LTBP1: variants seen among roughly 807,000 people sequenced by gnomAD.
LTBP1 encodes latent-transforming growth factor beta-binding protein 1.
A neutral mutation model predicts 207.6 loss-of-function variants in LTBP1; 129 were observed. The observed-to-expected ratio is 0.62, with a 90% confidence interval of 0.54 to 0.72. The LOEUF is 0.72. LTBP1 is among the 30% of genes least tolerant of loss of function. The pLI is 0.00. For missense variants in LTBP1, 2,281 were observed against 2,217.2 expected (o/e 1.03, Z -0.58); for synonymous variants, 963 against 833.7 (o/e 1.16, Z -2.67).
intron 3 of LTBP1, among the ~76,000 whole-genome samples, chr2:33,080,057 C>T (rs187345469): frequency 6.6e-6 from 1 of 152,200 alleles, no homozygotes; most frequent in African/African-American, 2.4e-5. Context: ...GACAGAGTCC[C>T]CCTCTGTCAC....
chr2:33,352,220 C>T (rs755637972), intron 26 of LTBP1, among the ~76,000 whole-genome samples: 2 of 152,162 alleles, frequency 1.3e-5, no homozygotes, highest in Non-Finnish European at 2.9e-5. Flanking sequence ...CAACCTCTAC[C>T]TCCCGAGTTC....
intron 2 of LTBP1, among the ~76,000 whole-genome samples, chr2:32,958,989 C>T (rs909570437): frequency 6.6e-6 from 1 of 152,206 alleles, no homozygotes; most frequent in Non-Finnish European, 1.5e-5. Context: ...GTATGATTTT[C>T]CCTGTAATTT....
intron 2 of LTBP1, among the ~76,000 whole-genome samples, chr2:32,967,449 A>G (rs1457972779): frequency 6.6e-6 from 1 of 152,124 alleles, no homozygotes; most frequent in East Asian, 1.9e-4. Flanking sequence ...AAATATATGC[A>G]TTCATTGTTA....
chr2:33,364,997 C>A (rs2094968101), intron 30 of LTBP1, among the ~76,000 whole-genome samples: 1 of 152,078 alleles, frequency 6.6e-6, no homozygotes, highest in Non-Finnish European at 1.5e-5. Flanking sequence ...TAGGGTTTGA[C>A]AGGAGTAAAT....
intron 9 of LTBP1, among the ~76,000 whole-genome samples, chr2:33,231,694 G>A (rs989058144): frequency 6.6e-6 from 1 of 152,114 alleles, no homozygotes; most frequent in Non-Finnish European, 1.5e-5. Context: ...TGCCTGGCTG[G>A]AGAAAAGAAT....
intron 7 of LTBP1, among the ~76,000 whole-genome samples, chr2:33,204,699 C>T (rs2089693686): frequency 6.6e-6 from 1 of 152,178 alleles, no homozygotes; most frequent in African/African-American, 2.4e-5. Context: ...CCTGCCTCAG[C>T]CTCCCAAGTA....
At chr2:33,089,743 C>T (rs77301263) in intron 3 of LTBP1, among the ~76,000 whole-genome samples, 17 of 152,154 alleles carry the variant, frequency 1.1e-4, no homozygotes, top group Non-Finnish European at 2.4e-4. Context: ...TGGTTCCTGA[C>T]GTAAATTACT....
Position 33,020,954 on chromosome 2 carries a change from C to T in LTBP1, c.611C>T (p.Pro204Leu). The change falls in exon 3 of 34, where the codon CCA (proline) becomes CTA (leucine). Residue 204 changes from proline to leucine, a missense_variant. Transcript: ENST00000404816. ...CAGAATGGAGGGATGTGTCTCCGGC[C>T]ACAACTCTGTGTGTGTAAACCAGGG... The part of the protein sequence containing the change: ...PCQNGGMCLR[P>L]QLCVCKPGTK... The T allele has an allele frequency of 2.5e-6, 4 of 1,605,570 alleles. No individual in the cohort carries two copies. Among genetic ancestry groups the T allele is most frequent in the Non-Finnish European group, 3.4e-6 (4 of 1,173,610 alleles).
At chr2:32,977,337 C>T (rs867591574) in intron 2 of LTBP1, among the ~76,000 whole-genome samples, 5 of 152,288 alleles carry the variant, frequency 3.3e-5, no homozygotes, top group African/African-American at 4.8e-5. Flanking sequence ...CCTTCCCTGC[C>T]GTCTGGGTGT....
In LTBP1 at chr2:32,952,234, A is replaced by G. The variant is rs370768591; in HGVS notation, c.565+3289A>G. Reference sequence around the variant, plus strand: ...AAATGCTTCTGAAGACTAAAGATTTAGTGAACCTTAAATTGCAAATCAGAG... The same window carrying G: ...AAATGCTTCTGAAGACTAAAGATTTGGTGAACCTTAAATTGCAAATCAGAG... On this transcript the variant is annotated intron_variant, in intron 2 of 33. Transcript: ENST00000404816. Among the ~76,000 whole-genome samples, 15 of 152,360 alleles carry G rather than the reference A, an allele frequency of 9.8e-5. No homozygotes were observed. In the East Asian group the frequency reaches 2.1e-3, roughly 22 times the overall value.
intron 2 of LTBP1, among the ~76,000 whole-genome samples, chr2:33,005,922 G>C: frequency 6.6e-6 from 1 of 151,904 alleles, no homozygotes. Flanking sequence ...AGCATAAAGT[G>C]GTAGGGAGGG....
rs888403533 is a variant in LTBP1 at position 32,947,228 on chromosome 2, C to T, written c.-97C>T. 4.1e-6 allele frequency: 4 copies of T among 970,316 alleles called. No individual in the cohort carries two copies. In the African/African-American group the frequency reaches 5.1e-5, roughly 12 times the overall value. The allele number at this position is 970,316 out of a possible 1,614,324, so 60.1% of individuals were successfully genotyped here. A position where few individuals can be genotyped will look rare whatever the true frequency, so the allele number is the denominator to read the frequency against. ...CCCGCCTTTCCCGGGCTCTCGGCAGCTCTCGGGGGAGCCCGAACGCGCGGG... is the reference window on the plus strand; with the variant it reads ...CCCGCCTTTCCCGGGCTCTCGGCAGTTCTCGGGGGAGCCCGAACGCGCGGG... On this transcript the variant is annotated 5_prime_UTR_variant, in exon 1 of 34. Transcript: ENST00000404816.
At chr2:33,140,543 A>C (rs2082559553) in intron 5 of LTBP1, among the ~76,000 whole-genome samples, 1 of 152,254 alleles carries the variant, frequency 6.6e-6, no homozygotes, top group Non-Finnish European at 1.5e-5. Context: ...AGAATGCCTA[A>C]GAACTTATCA....
At chr2:33,260,116 T>C (rs1326786063) in intron 13 of LTBP1, among the ~76,000 whole-genome samples, 1 of 152,214 alleles carries the variant, frequency 6.6e-6, no homozygotes, top group Non-Finnish European at 1.5e-5. Flanking sequence ...TGTTGCTTTT[T>C]GAAAAGTCAG....
intron 24 of LTBP1, among the ~76,000 whole-genome samples, chr2:33,321,006 T>C (rs2149335345): frequency 6.6e-6 from 1 of 152,334 alleles, no homozygotes; most frequent in African/African-American, 2.4e-5. Context: ...ATTTTATTAA[T>C]AATTCTATAT....
intron 3 of LTBP1, among the ~76,000 whole-genome samples, chr2:33,098,626 G>C (rs1396431277): frequency 1.3e-5 from 2 of 151,688 alleles, no homozygotes; most frequent in East Asian, 1.9e-4. Flanking sequence ...TTTAAGTAGA[G>C]ACGGTGTTTC....
At chr2:33,196,786 G>A (rs2088619730) in intron 7 of LTBP1, among the ~76,000 whole-genome samples, 1 of 152,204 alleles carries the variant, frequency 6.6e-6, no homozygotes. Context: ...TTAATATTAG[G>A]AAGGGTGTAC....
chr2:33,072,674 A>G (rs1036146678), intron 3 of LTBP1, among the ~76,000 whole-genome samples: 10 of 152,206 alleles, frequency 6.6e-5, no homozygotes, highest in Admixed American at 3.9e-4. Context: ...AAGTGCCCCA[A>G]CATGAGGTGA....
At chr2:33,114,137 C>T (rs1223394080) in intron 4 of LTBP1, among the ~76,000 whole-genome samples, 1 of 152,224 alleles carries the variant, frequency 6.6e-6, no homozygotes, top group East Asian at 1.9e-4. Context: ...CCACCATGCC[C>T]AGCCGGTAAA....
Sources: gnomAD v4.1 joint callset for allele counts (sites outside exome capture counted in the v4.1 genomes callset) on GRCh38, gnomAD v4.1.1 for gene constraint, MANE v1.5 for transcripts, NCBI Gene and HGNC (gene_info 2026-07-23, HGNC 2026-07-21) for gene names.